Variants in RSRC1 observed in about 807,000 individuals in gnomAD.
The protein encoded by RSRC1 is arginine and serine rich coiled-coil 1.
A neutral mutation model predicts 49.1 loss-of-function variants in RSRC1; 39 were observed. The ratio of observed to expected loss-of-function variants is 0.79; its 90% CI spans 0.61 to 1.04. RSRC1 has a LOEUF of 1.04. Ranked by LOEUF, RSRC1 falls within the 50% of genes least tolerant of loss-of-function variation. The probability of loss-of-function intolerance (pLI) is 0.00; values close to 1 mark genes in which losing one functional copy is unlikely to be tolerated. For synonymous variants in RSRC1, 143 were observed against 130.8 expected (o/e 1.09, Z -0.63); for missense variants, 388 against 402.4 (o/e 0.96, Z 0.31).
chr3:158,177,524 T>TAGA (rs774659627), intron 3 of RSRC1, among the ~76,000 whole-genome samples: 3 of 151,774 alleles, frequency 2.0e-5, no homozygotes, highest in Non-Finnish European at 4.4e-5. Context: ...CCATCATTCT[T>TAGA]AGCAAACTAT....
intron 6 of RSRC1, among the ~76,000 whole-genome samples, chr3:158,434,454 G>A (rs1735936763): frequency 6.6e-6 from 1 of 151,854 alleles, no homozygotes; most frequent in African/African-American, 2.4e-5. Context: ...TTATTATAAA[G>A]GAATTATATT....
intron 3 of RSRC1, among the ~76,000 whole-genome samples, chr3:158,126,045 T>C (rs1235892256): frequency 2.0e-5 from 3 of 152,174 alleles, no homozygotes; most frequent in African/African-American, 2.4e-5. Flanking sequence ...ACCATTTGTA[T>C]GGATTATCTT....
chr3:158,380,400 T>C (rs186354711), intron 6 of RSRC1, among the ~76,000 whole-genome samples: 2 of 152,234 alleles, frequency 1.3e-5, no homozygotes. Flanking sequence ...TTCAAGGCTG[T>C]AGTGTTCTAT....
At chr3:158,211,561 A>T (rs1295291091) in intron 4 of RSRC1, among the ~76,000 whole-genome samples, 1 of 152,004 alleles carries the variant, frequency 6.6e-6, no homozygotes, top group Non-Finnish European at 1.5e-5. Flanking sequence ...AATTATTTGC[A>T]TTGCTATCAA....
intron 6 of RSRC1, among the ~76,000 whole-genome samples, chr3:158,444,153 A>G (rs1736546621): frequency 6.6e-6 from 1 of 152,184 alleles, no homozygotes; most frequent in Non-Finnish European, 1.5e-5. Flanking sequence ...ATTGGAAAAA[A>G]CTACTTTAAA....
At chr3:158,316,841 C>T (rs1232685841) in intron 5 of RSRC1, among the ~76,000 whole-genome samples, 1 of 152,104 alleles carries the variant, frequency 6.6e-6, no homozygotes, top group East Asian at 1.9e-4. Flanking sequence ...TTCCTTAATT[C>T]TGGCCCTAAA....
chr3:158,187,303 A>G (rs1197755224), intron 3 of RSRC1, among the ~76,000 whole-genome samples: 1 of 151,980 alleles, frequency 6.6e-6, no homozygotes, highest in Non-Finnish European at 1.5e-5. Flanking sequence ...CCTTGGTAAT[A>G]ATAGGGGAAA....
intron 3 of RSRC1, among the ~76,000 whole-genome samples, chr3:158,168,163 G>C (rs560203481): frequency 2.0e-5 from 3 of 152,252 alleles, no homozygotes; most frequent in African/African-American, 7.2e-5. Flanking sequence ...TTGCTACAGA[G>C]ACCTCATCCC....
At chr3:158,144,469 A>G (rs962155408) in intron 3 of RSRC1, among the ~76,000 whole-genome samples, 1 of 152,074 alleles carries the variant, frequency 6.6e-6, no homozygotes, top group East Asian at 1.9e-4. Context: ...TGAACTCATC[A>G]TTTTTTACGG....
chr3:158,365,869 G>A (rs148360864), intron 6 of RSRC1, among the ~76,000 whole-genome samples: 44 of 152,200 alleles, frequency 2.9e-4, no homozygotes, highest in African/African-American at 1.0e-3. Flanking sequence ...ATCTCATTGT[G>A]GTTTTGATTT....
chr3:158,345,079 G>T (rs1172470237), intron 5 of RSRC1, among the ~76,000 whole-genome samples: 1 of 151,098 alleles, frequency 6.6e-6, no homozygotes, highest in Non-Finnish European at 1.5e-5. Flanking sequence ...AAAAAAAAAT[G>T]TAGCTGGGCA....
chr3:158,302,915 C>G (rs1727644524), intron 5 of RSRC1: 1 of 152,116 alleles, frequency 6.6e-6, no homozygotes. Flanking sequence ...ATCCGCCCTC[C>G]TCGGCCTCCA....
At chr3:158,270,593 G>T (rs995305385) in intron 4 of RSRC1, among the ~76,000 whole-genome samples, 5 of 152,000 alleles carry the variant, frequency 3.3e-5, no homozygotes, top group Admixed American at 2.6e-4. Context: ...TGGTACTAAG[G>T]GTTTAAAATT....
intron 7 of RSRC1, among the ~76,000 whole-genome samples, chr3:158,502,314 C>CT (rs1319594647): frequency 1.3e-5 from 2 of 152,114 alleles, no homozygotes; most frequent in Non-Finnish European, 2.9e-5. Context: ...TTCATCTTAA[C>CT]TTTGGATAAC....
intron 3 of RSRC1, among the ~76,000 whole-genome samples, chr3:158,199,967 A>C (rs1199764226): frequency 1.5e-5 from 2 of 135,420 alleles, no homozygotes; most frequent in African/African-American, 5.1e-5. Context: ...TCTGAAGTAT[A>C]GTTTATGTGA....
intron 3 of RSRC1, among the ~76,000 whole-genome samples, chr3:158,189,346 G>A (rs1481052473): frequency 2.0e-5 from 3 of 151,866 alleles, no homozygotes; most frequent in African/African-American, 7.2e-5. Context: ...AATCTTCTGT[G>A]TCTTTACTTT....
At chr3:158,125,203 A>T (rs936038662) in intron 3 of RSRC1, among the ~76,000 whole-genome samples, 1 of 151,152 alleles carries the variant, frequency 6.6e-6, no homozygotes, top group Admixed American at 6.6e-5. Flanking sequence ...TTTTTTCTAA[A>T]GTCTTTCTGT....
At chr3:158,523,265 A>G (rs921161695) in intron 7 of RSRC1, among the ~76,000 whole-genome samples, 1 of 152,050 alleles carries the variant, frequency 6.6e-6, no homozygotes, top group Admixed American at 6.6e-5. Context: ...AAATCTCAAC[A>G]TAAAGTAGTA....
At chr3:158,312,721 A>G (rs1460028519) in intron 5 of RSRC1, among the ~76,000 whole-genome samples, 1 of 152,052 alleles carries the variant, frequency 6.6e-6, no homozygotes, top group Admixed American at 6.6e-5. Flanking sequence ...CTCATCCCTA[A>G]TCTCCCACAT....
Sources: gnomAD v4.1 joint callset for allele counts (sites outside exome capture counted in the v4.1 genomes callset) on GRCh38, gnomAD v4.1.1 for gene constraint, MANE v1.5 for transcripts, NCBI Gene and HGNC (gene_info 2026-07-23, HGNC 2026-07-21) for gene names.